The following IBTK variants were observed in gnomAD, a reference collection of about 807,000 sequenced individuals.
IBTK encodes inhibitor of Bruton tyrosine kinase.
A neutral mutation model predicts 154.9 loss-of-function variants in IBTK; 83 were observed. The observed-to-expected ratio is 0.54, with a 90% CI of 0.45 to 0.64. The LOEUF is 0.64. Among genes scored for constraint, IBTK ranks in the 30% least tolerant of loss-of-function variants. The probability of loss-of-function intolerance (pLI) is 0.00; values close to 1 mark genes in which losing one functional copy is unlikely to be tolerated. For missense variants in IBTK, 1,332 were observed against 1,584.6 expected (o/e 0.84, Z 2.71); for synonymous variants, 515 against 536.1 (o/e 0.96, Z 0.54).
At position 82,225,725 on chromosome 6, in the gene IBTK, T is replaced by A. The variant is rs1741678876; in HGVS notation, c.655-78A>T. ...GCAAATAGAATTTGATGATACTACA[T>A]CTAAAATGACATGAAATGACATGAC... On this transcript the variant is annotated intron_variant, in intron 5 of 28. Transcript: ENST00000306270. The A allele has an allele frequency of 3.0e-5, 32 of 1,065,628 alleles. No individual in the cohort carries two copies. The South Asian group carries it at 4.7e-4, about 16-fold the overall frequency. The allele number at this position is 1,065,628 out of a possible 1,614,324, so 66.0% of individuals were successfully genotyped here. A position where few individuals can be genotyped will look rare whatever the true frequency, so the allele number is the denominator to read the frequency against.
intron 1 of IBTK, among the ~76,000 whole-genome samples, chr6:82,242,859 C>T (rs929871242): frequency 6.6e-6 from 1 of 151,778 alleles, no homozygotes; most frequent in African/African-American, 2.4e-5. Flanking sequence ...AATGCTTGAA[C>T]CCAGGAGGTG....
chr6:82,234,337 TTA>T (rs1169579173), intron 2 of IBTK, 82 bp from the exon 3 acceptor site: 7 of 481,428 alleles, frequency 1.5e-5, no homozygotes, highest in African/African-American at 8.3e-5. Flanking sequence ...TATTTTATTA[TTA>T]TTTTTTTTTT....
At chr6:82,243,221 A>G (rs375591255) in intron 1 of IBTK, among the ~76,000 whole-genome samples, 7 of 151,146 alleles carry the variant, frequency 4.6e-5, no homozygotes, top group African/African-American at 1.7e-4. Flanking sequence ...AGCCTGGGCG[A>G]CAGAGAGACT....
In IBTK at chr6:82,170,229, A is replaced by G. The variant is rs1244649438; in HGVS notation, c.*1196T>C. The G allele has an allele frequency of 6.6e-6, 1 of 152,612 alleles. No homozygotes were observed. The highest frequency in any genetic ancestry group is 1.5e-5 in the Non-Finnish European group (1 of 68,034). The allele number at this position is 152,612 out of a possible 1,614,324, so 9.5% of individuals were successfully genotyped here. A position where few individuals can be genotyped will look rare whatever the true frequency, so the allele number is the denominator to read the frequency against. ...GTCAATATAGTAAAAAATGTCAAGC[A>G]CACATTAGTGAAATGGATCAAGATC... On this transcript the variant is annotated 3_prime_UTR_variant, in exon 29 of 29. Coordinates refer to ENST00000306270, the MANE Select transcript of IBTK (RefSeq NM_015525.4).
chr6:82,239,577 G>A (rs777129191), intron 2 of IBTK, among the ~76,000 whole-genome samples: 1 of 142,396 alleles, frequency 7.0e-6, no homozygotes, highest in Non-Finnish European at 1.5e-5. Context: ...AGCACTTTAA[G>A]TTTATCCATA....
chr6:82,222,598 A>T (rs1388938568), intron 8 of IBTK, among the ~76,000 whole-genome samples: 17 of 152,248 alleles, frequency 1.1e-4, no homozygotes, highest in Admixed American at 9.8e-4. Flanking sequence ...TTAATCAATT[A>T]TAAAAGATTC....
intron 2 of IBTK, among the ~76,000 whole-genome samples, chr6:82,238,258 A>G (rs1770809151): frequency 6.6e-6 from 1 of 152,008 alleles, no homozygotes; most frequent in South Asian, 2.1e-4. Flanking sequence ...AAAAATAATA[A>G]TAAAAATAAA....
rs1769169410 is a variant in IBTK at position 82,200,672 on chromosome 6, G to C, written c.2827C>G (p.Gln943Glu). 6.3e-7 allele frequency: 1 copy of C among 1,584,710 alleles called. No individual in the cohort carries two copies. The highest frequency in any genetic ancestry group is 1.1e-5 in the South Asian group (1 of 87,716). ...AAATAGCTAATATCTGGTCCATCTT[G>C]ATATGGTGTAATGACTCTTCTATCC... ...AMDRRVITPY[Q>E]DGPDISYLEV... The change falls in exon 20 of 29, where the codon CAA (glutamine) becomes GAA (glutamate). Residue 943 changes from glutamine (Q) to glutamate (E), a missense_variant. By Grantham distance (29) the Gln-to-Glu change is conservative. Around this residue, in one of 3 missense-constraint regions of IBTK, gnomAD observed 1,134 missense variants for 1,274.7 expected, o/e 0.89. Coordinates refer to ENST00000306270, the MANE Select transcript of IBTK (RefSeq NM_015525.4).
At chr6:82,213,971 T>C (rs911533222) in intron 12 of IBTK, among the ~76,000 whole-genome samples, 1 of 151,784 alleles carries the variant, frequency 6.6e-6, no homozygotes, top group African/African-American at 2.4e-5. Flanking sequence ...TTTTTTTTTC[T>C]TTGAGACACA....
intron 23 of IBTK, among the ~76,000 whole-genome samples, 162 bp downstream of exon 23, chr6:82,194,317 C>T (rs72898697): frequency 0.024 from 3,589 of 152,050 alleles, 58 homozygotes; most frequent in Non-Finnish European, 0.035. Flanking sequence ...GGGGGGAAGC[C>T]TATTATAGCT....
chr6:82,234,114 C>G, intron 3 of IBTK, 45 bp downstream of exon 3: 2 of 934,660 alleles, frequency 2.1e-6, no homozygotes, highest in Non-Finnish European at 3.4e-6. Context: ...GCTGGGATTA[C>G]AGGTGTGAGC....
intron 3 of IBTK, 75 bp from the exon 4 acceptor site, chr6:82,231,917 A>G: frequency 1.3e-6 from 1 of 779,658 alleles, no homozygotes; most frequent in South Asian, 2.2e-5. Flanking sequence ...TACAATATTT[A>G]GAAAGATGCC....
chr6:82,176,649 TAAAC>T (rs1272412050), intron 26 of IBTK, among the ~76,000 whole-genome samples: 1 of 150,076 alleles, frequency 6.7e-6, no homozygotes, highest in Non-Finnish European at 1.5e-5. Context: ...TAAGTAACAA[TAAAC>T]AAATAAAAAT....
chr6:82,195,028 A>G (rs1463672429), intron 22 of IBTK, among the ~76,000 whole-genome samples: 2 of 152,190 alleles, frequency 1.3e-5, no homozygotes, highest in African/African-American at 2.4e-5. Flanking sequence ...CATATAATTC[A>G]CTCTGATGTA....
chr6:82,203,624 A>G (rs1367470039), intron 17 of IBTK, among the ~76,000 whole-genome samples: 4 of 152,160 alleles, frequency 2.6e-5, no homozygotes, highest in Admixed American at 2.6e-4. Context: ...CCTAATAATC[A>G]GAGACCAAAG....
At chr6:82,208,195 C>A (rs141866368) in intron 16 of IBTK, among the ~76,000 whole-genome samples, 4,241 of 150,802 alleles carry the variant, frequency 0.028, 139 homozygotes, top group African/African-American at 0.083. Context: ...TTATCTCTCT[C>A]TATATATATA....
Position 82,212,699 on chromosome 6 carries a change from T to C in IBTK, c.2291+8A>G. 1 of 1,533,628 alleles carries C rather than the reference T, an allele frequency of 6.5e-7. No individual in the cohort carries two copies. Among genetic ancestry groups the C allele is most frequent in the South Asian group, 1.1e-5 (1 of 89,344 alleles). On this transcript the variant is annotated splice_region_variant and intron_variant, in intron 13 of 28. Coordinates refer to ENST00000306270, the MANE Select transcript of IBTK (RefSeq NM_015525.4). ...ACATGAAATGTTAATCTTCCTTTCCTTACTTACCATTTTTTCTGACTTAGC... is the reference window on the plus strand; with the variant it reads ...ACATGAAATGTTAATCTTCCTTTCCCTACTTACCATTTTTTCTGACTTAGC...
chr6:82,225,080 A>G (rs1770243237), intron 6 of IBTK, among the ~76,000 whole-genome samples: 1 of 151,798 alleles, frequency 6.6e-6, no homozygotes, highest in Non-Finnish European at 1.5e-5. Flanking sequence ...TGGGCAGATC[A>G]CCTGAGGTCA....
At chr6:82,217,358 C>A (rs116689035) in intron 10 of IBTK, among the ~76,000 whole-genome samples, 1 of 152,100 alleles carries the variant, frequency 6.6e-6, no homozygotes. Context: ...AATTTCTATG[C>A]TCTCAAGAAA....
Sources: allele counts gnomAD v4.1 joint callset (sites outside exome capture counted in the v4.1 genomes callset), GRCh38; gene constraint gnomAD v4.1.1; regional missense constraint gnomAD v4.1.1; transcripts MANE v1.5; gene names NCBI Gene and HGNC (gene_info 2026-07-23, HGNC 2026-07-21).